Variants in DENND6B observed in about 807,000 individuals in gnomAD.
DENND6B encodes protein DENND6B.
Under a neutral mutation model 85.1 loss-of-function variants are expected in DENND6B, and 73 were observed. The ratio of observed to expected loss-of-function variants is 0.86; its 90% confidence interval spans 0.71 to 1.04. The LOEUF is 1.04. Among genes scored for constraint, DENND6B ranks in the 50% least tolerant of loss-of-function variants. The pLI is 0.00. For missense variants in DENND6B, 715 were observed against 785.8 expected (o/e 0.91, Z 1.08); for synonymous variants, 357 against 329.3 (o/e 1.08, Z -0.91).
chr22:50,311,920 G>T lies in DENND6B; in HGVS notation c.*219C>A. 1.3e-6 allele frequency: 1 copy of T among 766,754 alleles called. No homozygotes were observed. Among genetic ancestry groups the T allele is most frequent in the Non-Finnish European group, 2.0e-6 (1 of 496,490 alleles). The allele number at this position is 766,754 out of a possible 1,614,324, so 47.5% of individuals were successfully genotyped here. A position where few individuals can be genotyped will look rare whatever the true frequency, so the allele number is the denominator to read the frequency against. On this transcript the variant is annotated 3_prime_UTR_variant, in exon 20 of 20. Coordinates refer to ENST00000413817, the MANE Select transcript of DENND6B (RefSeq NM_001001794.4). ...GAGGCCAGGTGGGACCCAGGAGGAG[G>T]CAAGGCTCTGCCTGCGAGGAACCCC...
rs1292219263 is a variant in DENND6B at position 50,312,031 on chromosome 22, C to T, written c.*108G>A. On this transcript the variant is annotated 3_prime_UTR_variant, in exon 20 of 20. Coordinates refer to ENST00000413817, the MANE Select transcript of DENND6B (RefSeq NM_001001794.4). ...CAGGAAGGGGAGCCTGCAGTCTGGG[C>T]GGGGGGCCAAGGAAGGGGAGCGTGT... 6.0e-6 allele frequency: 9 copies of T among 1,493,678 alleles called. No homozygotes were observed. In the East Asian group the frequency reaches 7.0e-5, roughly 12 times the overall value. The allele number at this position is 1,493,678 out of a possible 1,614,324, so 92.5% of individuals were successfully genotyped here.
At chr22:50,314,528 A>AGAGGTCCAGG (rs1205808895) in intron 11 of DENND6B, 34 bp from the exon 12 acceptor site, 4 of 1,554,312 alleles carry the variant, frequency 2.6e-6, no homozygotes, top group Non-Finnish European at 3.5e-6. Context: ...AGGCAGAGAC[A>AGAGGTCCAGG]GAGGTCCAGG....
intron 3 of DENND6B, 43 bp downstream of exon 3, chr22:50,318,804 A>G (rs760573527): frequency 1.2e-6 from 2 of 1,609,292 alleles, no homozygotes; most frequent in Non-Finnish European, 1.7e-6. Flanking sequence ...AGGGATGCCC[A>G]GCTGGCTTCA....
Position 50,326,930 on chromosome 22 carries a change from C to A in DENND6B, c.59G>T (p.Gly20Val). The change falls in exon 1 of 20, where the codon GGA (glycine) becomes GTA (valine). Residue 20 changes from glycine (G) to valine (V), a missense_variant. Transcript: ENST00000413817. ...CGCCGCGCGACCTGAAGACGTGGGT[C>A]CAGCCGCGCCCAGGCAGCCGCGAGC... ...RRARGCLGAAGPTSSGRAART... is the reference protein window; with the variant it reads ...RRARGCLGAAVPTSSGRAART... The A allele has an allele frequency of 7.6e-7, 1 of 1,310,446 alleles. No homozygotes were observed. 81.2% of individuals were successfully genotyped at this position (1,310,446 alleles called of 1,614,324 possible).
chr22:50,326,359 G>T (rs2042188902), intron 1 of DENND6B, among the ~76,000 whole-genome samples: 2 of 152,190 alleles, frequency 1.3e-5, no homozygotes, highest in South Asian at 4.1e-4. Flanking sequence ...AGCTGGGGTG[G>T]GGATGACATC....
chr22:50,315,618 ACACATACT>A (rs762364172), intron 9 of DENND6B, 88 bp downstream of exon 9: 15 of 1,361,244 alleles, frequency 1.1e-5, no homozygotes, highest in South Asian at 7.0e-5. Context: ...ACACACGCAC[ACACATACT>A]CACACACAGA....
In DENND6B at chr22:50,312,017, GCC is replaced by G; in HGVS notation, c.*120_*121del. 7.0e-7 allele frequency: 1 copy of G among 1,427,076 alleles called. No individual in the cohort carries two copies. The highest frequency in any genetic ancestry group is 9.3e-7 in the Non-Finnish European group (1 of 1,072,278). 88.4% of individuals were successfully genotyped at this position (1,427,076 alleles called of 1,614,324 possible). A position where few individuals can be genotyped will look rare whatever the true frequency, so the allele number is the denominator to read the frequency against. The stretch of plus-strand genomic sequence containing the variant: ...AGACAATGGTGGTGCAGGAAGGGGA[GCC>G]TGCAGTCTGGGCGGGGGGCCAAGGA... On this transcript the variant is annotated 3_prime_UTR_variant, in exon 20 of 20. Transcript: ENST00000413817.
At chr22:50,325,968 C>A (rs1270675484) in intron 1 of DENND6B, among the ~76,000 whole-genome samples, 2 of 152,230 alleles carry the variant, frequency 1.3e-5, no homozygotes, top group Non-Finnish European at 2.9e-5. Flanking sequence ...TGGACACCTG[C>A]GGTAATAGAG....
rs1478727032 is a variant in DENND6B at position 50,313,716 on chromosome 22, C to T, written c.1212G>A (p.Gln404=). The change falls in exon 15 of 20, where the codon CAG becomes CAA. Residue 404 remains glutamine (Q), a synonymous_variant. Transcript: ENST00000413817. ...ALLKRLLKGV[Q]KKRPSDVQSA... Reference sequence around the variant, plus strand: ...TCTGCACATCTGACGGCCGCTTCTTCTGCACGCCCTGCAGGGGAGAGAGGG... The same window carrying T: ...TCTGCACATCTGACGGCCGCTTCTTTTGCACGCCCTGCAGGGGAGAGAGGG... 6.2e-7 allele frequency: 1 copy of T among 1,602,562 alleles called. No individual in the cohort carries two copies.
In DENND6B at chr22:50,314,203, A is replaced by G; in HGVS notation, c.1138+4T>C. On this transcript the variant is annotated splice_donor_region_variant and intron_variant, in intron 13 of 19. Transcript: ENST00000413817. ...AGGGGCTCCAGGTCGAGGGGAGCACAGACCTGGCTTGGTGTCCAGGGTCTT... is the reference window on the plus strand; with the variant it reads ...AGGGGCTCCAGGTCGAGGGGAGCACGGACCTGGCTTGGTGTCCAGGGTCTT... 6.2e-7 allele frequency: 1 copy of G among 1,601,982 alleles called. No individual in the cohort carries two copies.
At chr22:50,314,319 C>T (rs1026322662) in intron 12 of DENND6B, 47 bp from the exon 13 acceptor site, 53 of 1,597,226 alleles carry the variant, frequency 3.3e-5, no homozygotes, top group Non-Finnish European at 2.5e-5. Context: ...GCAGCTCTGG[C>T]CATCCCCACG....
chr22:50,314,148 C>T (rs1292918620), intron 13 of DENND6B, 59 bp downstream of exon 13: 4 of 1,535,558 alleles, frequency 2.6e-6, no homozygotes, highest in Admixed American at 3.9e-5. Context: ...GAGAGACCCG[C>T]CAGGTACAAG....
rs747765258 is a variant in DENND6B, at chr22:50,314,940, G to A, written c.759-19C>T. 1 of 1,606,234 alleles carries A rather than the reference G, an allele frequency of 6.2e-7. No homozygotes were observed. Among genetic ancestry groups the A allele is most frequent in the Admixed American group, 1.7e-5 (1 of 59,878 alleles). On this transcript the variant is annotated intron_variant, in intron 9 of 19. Coordinates refer to ENST00000413817, the MANE Select transcript of DENND6B (RefSeq NM_001001794.4). ...GAAGCACCTGGGGCCGGGCAGGAAG[G>A]TCGGGGAGGTCAGGCAGGGGCTGAG...
intron 16 of DENND6B, 70 bp downstream of exon 16, chr22:50,313,376 C>A: frequency 6.6e-7 from 1 of 1,513,162 alleles, no homozygotes; most frequent in South Asian, 1.3e-5. Flanking sequence ...TGCTCCAGAC[C>A]TTCCCTCCTC....
In DENND6B at chr22:50,316,458, G is replaced by A; in HGVS notation, c.471C>T (p.Ser157=). The stretch of plus-strand genomic sequence containing the variant: ...GGAACAGCCGGACAAAGGGCAAGCG[G>A]GACACCAGCACCAAAGACTGCAGGG... The part of the protein sequence containing the change: ...GYFQKSLVLV[S]RLPFVRLFQA... Residue 157 remains serine (S), a synonymous_variant, in exon 6 of 20, where the codon TCC becomes TCT. Coordinates refer to ENST00000413817, the MANE Select transcript of DENND6B (RefSeq NM_001001794.4). 5 of 1,582,712 alleles carry A rather than the reference G, an allele frequency of 3.2e-6. No individual in the cohort carries two copies. The highest frequency in any genetic ancestry group is 4.3e-6 in the Non-Finnish European group (5 of 1,166,112).
At chr22:50,314,942 C>G in intron 9 of DENND6B, 21 bp from the exon 10 acceptor site, 2 of 1,606,026 alleles carry the variant, frequency 1.2e-6, no homozygotes, top group East Asian at 2.2e-5. Context: ...GCAGGAAGGT[C>G]GGGGAGGTCA....
chr22:50,323,408 G>C (rs180904341), intron 1 of DENND6B, among the ~76,000 whole-genome samples: 1 of 150,954 alleles, frequency 6.6e-6, no homozygotes, highest in Non-Finnish European at 1.5e-5. Flanking sequence ...TCCTAACTCA[G>C]CCTCCAGAGT....
rs1244786428 is a variant in DENND6B at position 50,309,341 on chromosome 22, A to C, written c.*2798T>G. 1 of 152,414 alleles carries C rather than the reference A, an allele frequency of 6.6e-6. No individual in the cohort carries two copies. The highest frequency in any genetic ancestry group is 1.5e-5 in the Non-Finnish European group (1 of 68,186). The allele number at this position is 152,414 out of a possible 1,614,324, so 9.4% of individuals were successfully genotyped here. A position where few individuals can be genotyped will look rare whatever the true frequency, so the allele number is the denominator to read the frequency against. ...GGGGGCTGGCACTCTGGCCAGGGGT[A>C]GAGCTGTCTGGACCTTCCTGCCTCT... On this transcript the variant is annotated 3_prime_UTR_variant, in exon 20 of 20. Coordinates refer to ENST00000413817, the MANE Select transcript of DENND6B (RefSeq NM_001001794.4).
rs559105836 is a variant in DENND6B at position 50,318,074 on chromosome 22, G to A, written c.260-54C>T. 21 of 1,574,758 alleles carry A rather than the reference G, an allele frequency of 1.3e-5. No individual in the cohort carries two copies. The Admixed American group carries it at 3.3e-4, about 25-fold the overall frequency. ...TCAAGGCCGGGAGCCTCTTCTGCAG[G>A]CCCTGGAGCTGGTGACCGGGGAGCA... On this transcript the variant is annotated intron_variant, in intron 3 of 19. Transcript: ENST00000413817.
Sources: allele counts gnomAD v4.1 joint callset (sites outside exome capture counted in the v4.1 genomes callset), GRCh38; gene constraint gnomAD v4.1.1; transcripts MANE v1.5; gene names NCBI Gene and HGNC (gene_info 2026-07-23, HGNC 2026-07-21).